HDAC5: variants seen among roughly 807,000 people sequenced by gnomAD.
HDAC5 encodes antigen NY-CO-9.
Under a neutral mutation model 133.3 loss-of-function variants are expected in HDAC5, and 25 were observed. The ratio of observed to expected loss-of-function variants is 0.19; its 90% CI spans 0.14 to 0.26. The LOEUF is 0.26. HDAC5 is among the 10% of genes least tolerant of loss of function. HDAC5 has a pLI of 1.00. For synonymous variants in HDAC5, 589 were observed against 610.8 expected (o/e 0.96, Z 0.53); for missense variants, 1,041 against 1,460.5 (o/e 0.71, Z 4.68).
chr17:44,095,688 A>G (rs557826441), intron 3 of HDAC5, among the ~76,000 whole-genome samples: 1 of 151,368 alleles, frequency 6.6e-6, no homozygotes, highest in South Asian at 2.1e-4. Context: ...AGTGAGCCAA[A>G]CAGCAGCTGT....
chr17:44,090,782 C>G (rs2050906728), intron 11 of HDAC5, among the ~76,000 whole-genome samples: 1 of 151,062 alleles, frequency 6.6e-6, no homozygotes, highest in Non-Finnish European at 1.5e-5. Context: ...CTCCGCCTCC[C>G]AGGTTCACAC....
In HDAC5 at chr17:44,093,020, C is replaced by T. The variant is rs941456814; in HGVS notation, c.641+72G>A. ...GTATATGGGCACGGGGAAGAAGCCC[C>T]TTGCCATCCTATAGCCAGGCAGCCC... is the stretch of plus-strand genomic sequence containing the variant. On this transcript the variant is annotated intron_variant, in intron 6 of 26. Coordinates refer to ENST00000682912, the MANE Select transcript of HDAC5 (RefSeq NM_005474.5). 12 of 1,127,446 alleles carry T rather than the reference C, an allele frequency of 1.1e-5. No individual in the cohort carries two copies. In the African/African-American group the frequency reaches 1.7e-4, roughly 16 times the overall value. 69.8% of individuals were successfully genotyped at this position (1,127,446 alleles called of 1,614,324 possible). A position where few individuals can be genotyped will look rare whatever the true frequency, so the allele number is the denominator to read the frequency against.
rs2051102670 is a variant in HDAC5, at chr17:44,093,949, G to A, written c.95-115C>T. ...AGGAGACCCAAAGAGAACAGAGACA[G>A]AGAGGAAGTCAAATCCCTCTGCTCC... On this transcript the variant is annotated intron_variant, in intron 3 of 26. Transcript: ENST00000682912. The A allele has an allele frequency of 6.1e-6, 8 of 1,317,214 alleles. No individual in the cohort carries two copies. The South Asian group carries it at 1.7e-4, about 28-fold the overall frequency. 81.6% of individuals were successfully genotyped at this position (1,317,214 alleles called of 1,614,324 possible).
chr17:44,106,890 A>T (rs965968257), intron 3 of HDAC5, among the ~76,000 whole-genome samples: 2 of 151,580 alleles, frequency 1.3e-5, no homozygotes, highest in Non-Finnish European at 2.9e-5. Context: ...TGGATTAGCA[A>T]TGGTCCTACC....
At chr17:44,082,859 G>A in intron 18 of HDAC5, 39 bp from the exon 19 acceptor site, 5 of 1,542,424 alleles carry the variant, frequency 3.2e-6, no homozygotes, top group Non-Finnish European at 4.4e-6. Flanking sequence ...CAAGATCCAG[G>A]CAGGAAGGCC....
chr17:44,111,641 T>G (rs2052353079), intron 2 of HDAC5: 1 of 517,934 alleles, frequency 1.9e-6, no homozygotes, highest in Admixed American at 1.9e-5. Flanking sequence ...GCACCTTCCC[T>G]GGAGTTCTAA....
chr17:44,104,639 G>A (rs1274453870), intron 3 of HDAC5, among the ~76,000 whole-genome samples: 5 of 152,202 alleles, frequency 3.3e-5, no homozygotes, highest in Non-Finnish European at 7.3e-5. Flanking sequence ...GCTACCTCCA[G>A]GAAGGGCCAC....
intron 21 of HDAC5, 95 bp downstream of exon 21, chr17:44,080,668 A>C: frequency 1.3e-6 from 2 of 1,565,802 alleles, no homozygotes; most frequent in Non-Finnish European, 1.8e-6. Context: ...CCAGGTACCA[A>C]CACCACCATG....
rs1568000970 is a variant in HDAC5 at position 44,093,406 on chromosome 17, CGCTGCT to C, written c.428_433del (p.Gln143_Gln144del). The C allele has an allele frequency of 1.0e-5, 16 of 1,593,402 alleles. No homozygotes were observed. Among genetic ancestry groups the C allele is most frequent in the Non-Finnish European group, 1.3e-5 (15 of 1,171,846 alleles). ...TTCCTGCCGCTGCTGCTCCCGCTGCCGCTGCTGCTCCAGCTCCTGCTGCCGCTTGGC... is the reference window on the plus strand; with the variant it reads ...TTCCTGCCGCTGCTGCTCCCGCTGCCGCTCCAGCTCCTGCTGCCGCTTGGC... On this transcript the variant is annotated inframe_deletion, in exon 5 of 27. Coordinates refer to ENST00000682912, the MANE Select transcript of HDAC5 (RefSeq NM_005474.5).
Position 44,117,502 on chromosome 17 carries a change from T to C in HDAC5, c.14A>G (p.Asn5Ser), listed in dbSNP as rs771786329. MNSP[N>S]ESDGMSGREP... ...AACCTCCCAGCTCTTACCCGACTCGTTGGGAGAGTTCATGCCGGCTCTGGG... is the reference window on the plus strand; with the variant it reads ...AACCTCCCAGCTCTTACCCGACTCGCTGGGAGAGTTCATGCCGGCTCTGGG... Residue 5 changes from asparagine to serine, a missense_variant, in exon 2 of 27, where the codon AAC becomes AGC. Around this residue, in one of 9 missense-constraint regions of HDAC5, gnomAD observed 93 missense variants for 98.8 expected, o/e 0.94. Transcript: ENST00000682912. This position sits in a 1 kb window ranked among gnomAD's most constrained non-coding sequence, Gnocchi z 4.2. 4.3e-6 allele frequency: 7 copies of C among 1,613,946 alleles called. No individual in the cohort carries two copies. The highest frequency in any genetic ancestry group is 2.2e-5 in the East Asian group (1 of 44,880).
chr17:44,077,961 A>G lies in HDAC5; in HGVS notation c.*415T>C, dbSNP rs770361934. The G allele has an allele frequency of 1.4e-4, 23 of 164,524 alleles. No homozygotes were observed. Among genetic ancestry groups the G allele is most frequent in the Non-Finnish European group, 2.0e-4 (15 of 76,206 alleles). The allele number at this position is 164,524 out of a possible 1,614,324, so 10.2% of individuals were successfully genotyped here. On this transcript the variant is annotated 3_prime_UTR_variant, in exon 27 of 27. Coordinates refer to ENST00000682912, the MANE Select transcript of HDAC5 (RefSeq NM_005474.5). ...ATCCTCCCCTGAGGCTGGAGAAGGGAGGAGAGTGAAATTAAGGCATTTCCC... is the reference window on the plus strand; with the variant it reads ...ATCCTCCCCTGAGGCTGGAGAAGGGGGGAGAGTGAAATTAAGGCATTTCCC...
chr17:44,110,981 C>A, intron 2 of HDAC5, 181 bp from the exon 3 acceptor site: 1 of 613,134 alleles, frequency 1.6e-6, no homozygotes, highest in South Asian at 1.8e-5. Flanking sequence ...ACGGGACCCA[C>A]ACTGTAGGGA....
chr17:44,122,957 G>A (rs1385301890), intron 1 of HDAC5, among the ~76,000 whole-genome samples: 1 of 152,208 alleles, frequency 6.6e-6, no homozygotes, highest in African/African-American at 2.4e-5. Flanking sequence ...AATAATGGGA[G>A]AGAGAAGTAA....
chr17:44,123,535 G>GGCGGCGGCAGCA lies in HDAC5; in HGVS notation c.-233_-222dup, dbSNP rs1336251525. The GGCGGCGGCAGCA allele has an allele frequency of 7.5e-6, 3 of 397,388 alleles. No individual in the cohort carries two copies. The highest frequency in any genetic ancestry group is 1.3e-5 in the Non-Finnish European group (3 of 226,548). 24.6% of individuals were successfully genotyped at this position (397,388 alleles called of 1,614,324 possible). ...CGGCTCGAGCTCCGGCTTCGCGGGC[G>GGCGGCGGCAGCA]GCGGCGGCAGCAGCGGCGGCGGCAG... On this transcript the variant is annotated 5_prime_UTR_variant, in exon 1 of 27. Coordinates refer to ENST00000682912, the MANE Select transcript of HDAC5 (RefSeq NM_005474.5).
intron 12 of HDAC5, 87 bp from the exon 13 acceptor site, chr17:44,087,783 C>G: frequency 7.1e-7 from 1 of 1,415,852 alleles, no homozygotes. Flanking sequence ...CCTTCCCTCC[C>G]TCCCTTCTTC....
At chr17:44,098,603 G>A (rs1174116374) in intron 3 of HDAC5, among the ~76,000 whole-genome samples, 3 of 151,086 alleles carry the variant, frequency 2.0e-5, no homozygotes, top group South Asian at 2.1e-4. Context: ...AGTTGGGTGC[G>A]GTAGCGGGCA....
At chr17:44,112,744 G>A (rs949538501) in intron 2 of HDAC5, among the ~76,000 whole-genome samples, 1 of 152,338 alleles carries the variant, frequency 6.6e-6, no homozygotes, top group African/African-American at 2.4e-5. Context: ...TATAGGCAGA[G>A]GCAGGCTTTC....
chr17:44,093,529 G>A, intron 4 of HDAC5, 44 bp from the exon 5 acceptor site: 2 of 1,598,262 alleles, frequency 1.3e-6, no homozygotes, highest in Non-Finnish European at 8.5e-7. Flanking sequence ...CCAGGCCCGG[G>A]CGGGGATCGG....
In HDAC5 at chr17:44,087,445, G is replaced by A. The variant is rs769187241; in HGVS notation, c.1851C>T (p.Pro617=). The A allele has an allele frequency of 1.2e-5, 16 of 1,294,474 alleles. No homozygotes were observed. Among genetic ancestry groups the A allele is most frequent in the South Asian group, 1.2e-4 (10 of 84,568 alleles). The allele number at this position is 1,294,474 out of a possible 1,614,324, so 80.2% of individuals were successfully genotyped here. A position where few individuals can be genotyped will look rare whatever the true frequency, so the allele number is the denominator to read the frequency against. Residue 617 remains proline, a synonymous_variant, in exon 13 of 27, where the codon CCC becomes CCT. Transcript: ENST00000682912. ...ATCCAGCACCAGGCTCCTCCAAGTC[G>A]GGCCCCTCCTCAGCACCACTCTCGC... The part of the protein sequence containing the change: ...EEGESGAEEG[P]DLEEPGAGYK...
Sources: allele counts gnomAD v4.1 joint callset (sites outside exome capture counted in the v4.1 genomes callset), GRCh38; gene constraint gnomAD v4.1.1; regional missense constraint gnomAD v4.1.1; non-coding constraint Gnocchi (gnomAD v3.1); transcripts MANE v1.5; gene names NCBI Gene and HGNC (gene_info 2026-07-23, HGNC 2026-07-21).